Variants in MAN2A1 observed in about 807,000 individuals in gnomAD.
The protein encoded by MAN2A1 is alpha-mannosidase 2.
A neutral mutation model predicts 142.6 loss-of-function variants in MAN2A1; 76 were observed. The observed-to-expected ratio is 0.53, with a 90% CI of 0.44 to 0.65. The LOEUF is 0.65. Ranked by LOEUF, MAN2A1 falls within the 30% of genes least tolerant of loss-of-function variation. MAN2A1 has a pLI of 0.00. For synonymous variants in MAN2A1, 559 were observed against 473.2 expected (o/e 1.18, Z -2.35); for missense variants, 1,311 against 1,365.1 (o/e 0.96, Z 0.62).
chr5:109,739,512 G>A (rs897289826), intron 4 of MAN2A1, among the ~76,000 whole-genome samples: 2 of 151,926 alleles, frequency 1.3e-5, no homozygotes, highest in Non-Finnish European at 2.9e-5. Context: ...CCACTCCCTC[G>A]GTTCAGTACT....
At chr5:109,771,159 C>T (rs1385954671) in intron 7 of MAN2A1, among the ~76,000 whole-genome samples, 1 of 151,914 alleles carries the variant, frequency 6.6e-6, no homozygotes, top group African/African-American at 2.4e-5. Flanking sequence ...CTCATTAAAC[C>T]AACTTACATG....
chr5:109,690,267 G>A lies in MAN2A1; in HGVS notation c.-151G>A. 3 of 732,906 alleles carry A rather than the reference G, an allele frequency of 4.1e-6. No individual in the cohort carries two copies. The highest frequency in any genetic ancestry group is 7.0e-6 in the Non-Finnish European group (3 of 429,616). The allele number at this position is 732,906 out of a possible 1,614,324, so 45.4% of individuals were successfully genotyped here. On this transcript the variant is annotated 5_prime_UTR_variant, in exon 1 of 22. Coordinates refer to ENST00000261483, the MANE Select transcript of MAN2A1 (RefSeq NM_002372.4). The stretch of plus-strand genomic sequence containing the variant: ...TGTGGTGGCGCCGGAGACTAGGTGC[G>A]GAGCAAGGCGGGGACTCGCACCCGC...
At chr5:109,704,535 G>A (rs1006701351) in intron 1 of MAN2A1, among the ~76,000 whole-genome samples, 2 of 152,082 alleles carry the variant, frequency 1.3e-5, no homozygotes, top group Non-Finnish European at 1.5e-5. Flanking sequence ...CAGAATCGTG[G>A]CCACAGCCCC....
chr5:109,732,672 C>T (rs373411963), intron 4 of MAN2A1, among the ~76,000 whole-genome samples: 2,845 of 152,074 alleles, frequency 0.019, 34 homozygotes, highest in Middle Eastern at 0.071. Flanking sequence ...CAGATAGTTG[C>T]AGATATGTGG....
intron 16 of MAN2A1, among the ~76,000 whole-genome samples, chr5:109,834,672 G>GT (rs1049392329): frequency 6.6e-6 from 1 of 152,128 alleles, no homozygotes; most frequent in African/African-American, 2.4e-5. Context: ...GTAAGTAATA[G>GT]TAGCTGTTTA....
chr5:109,719,987 A>C (rs948451940), intron 3 of MAN2A1, among the ~76,000 whole-genome samples: 1 of 152,190 alleles, frequency 6.6e-6, no homozygotes, highest in Non-Finnish European at 1.5e-5. Context: ...TTTGAATCAT[A>C]GACCATGAAA....
At chr5:109,706,358 CT>C (rs1161273999) in intron 1 of MAN2A1, among the ~76,000 whole-genome samples, 3 of 152,188 alleles carry the variant, frequency 2.0e-5, no homozygotes, top group African/African-American at 7.2e-5. Context: ...AAAAGCCATA[CT>C]TTTACTATGT....
At chr5:109,799,739 AG>A (rs1753964531) in intron 12 of MAN2A1, among the ~76,000 whole-genome samples, 1 of 149,154 alleles carries the variant, frequency 6.7e-6, no homozygotes, top group African/African-American at 2.5e-5. Context: ...AGGCAACAAG[AG>A]CAAAACTCCG....
intron 9 of MAN2A1, among the ~76,000 whole-genome samples, chr5:109,782,798 T>A (rs550939539): frequency 5.9e-5 from 9 of 152,198 alleles, no homozygotes; most frequent in African/African-American, 1.9e-4. Flanking sequence ...TAGATACATA[T>A]TAGTTGTACA....
At chr5:109,734,638 C>T (rs1436803041) in intron 4 of MAN2A1, among the ~76,000 whole-genome samples, 1 of 152,182 alleles carries the variant, frequency 6.6e-6, no homozygotes, top group Non-Finnish European at 1.5e-5. Context: ...ACCCAGTAGT[C>T]ATTCAGGAAC....
chr5:109,767,943 A>T (rs1753037829), intron 6 of MAN2A1, among the ~76,000 whole-genome samples: 1 of 152,228 alleles, frequency 6.6e-6, no homozygotes, highest in Non-Finnish European at 1.5e-5. Flanking sequence ...GAAAGTAGAT[A>T]AATATAAGGA....
chr5:109,760,562 G>A lies in MAN2A1; in HGVS notation c.835+5106G>A, dbSNP rs547264624. 3.8e-4 allele frequency among the ~76,000 whole-genome samples: 58 copies of A among 152,194 alleles called. 1 individual carries two copies. In the South Asian group the frequency reaches 9.5e-3, roughly 25 times the overall value. ...TAGGTACTTGAGGAATCACCACACC[G>A]TCTTCCACAATGGTTGATTTATACT... On this transcript the variant is annotated intron_variant, in intron 5 of 21. Transcript: ENST00000261483.
At chr5:109,710,816 A>G (rs1001588406) in intron 1 of MAN2A1, among the ~76,000 whole-genome samples, 3 of 152,042 alleles carry the variant, frequency 2.0e-5, no homozygotes, top group African/African-American at 7.2e-5. Context: ...TCAGCCTTCC[A>G]AGTAGCTGGG....
At chr5:109,761,495 G>T (rs1309036032) in intron 5 of MAN2A1, among the ~76,000 whole-genome samples, 1 of 151,904 alleles carries the variant, frequency 6.6e-6, no homozygotes, top group Non-Finnish European at 1.5e-5. Context: ...ATGTTTCCGT[G>T]GATGTGACAG....
At chr5:109,693,646 T>G (rs2112534527) in intron 1 of MAN2A1, among the ~76,000 whole-genome samples, 1 of 152,186 alleles carries the variant, frequency 6.6e-6, no homozygotes, top group Admixed American at 6.5e-5. Context: ...TTTCCACCAT[T>G]TGGCTGGACT....
chr5:109,867,071 C>G lies in MAN2A1; in HGVS notation c.*73C>G. The G allele has an allele frequency of 7.9e-7, 1 of 1,261,282 alleles. No homozygotes were observed. Among genetic ancestry groups the G allele is most frequent in the Non-Finnish European group, 1.1e-6 (1 of 924,282 alleles). The allele number at this position is 1,261,282 out of a possible 1,614,324, so 78.1% of individuals were successfully genotyped here. ...CTTGGTTTGACGTGCAATAAAGAAG[C>G]ACATTATTTTAGCTTCTGGCTACTG... On this transcript the variant is annotated 3_prime_UTR_variant, in exon 22 of 22. Coordinates refer to ENST00000261483, the MANE Select transcript of MAN2A1 (RefSeq NM_002372.4).
chr5:109,861,956 C>T (rs1043072156), intron 20 of MAN2A1, among the ~76,000 whole-genome samples: 6 of 152,222 alleles, frequency 3.9e-5, no homozygotes, highest in East Asian at 1.9e-4. Context: ...GAGATTTTCT[C>T]GTATATTTAC....
At chr5:109,760,599 T>C (rs1191628098) in intron 5 of MAN2A1, among the ~76,000 whole-genome samples, 2 of 152,178 alleles carry the variant, frequency 1.3e-5, no homozygotes, top group Admixed American at 6.5e-5. Context: ...CCACCAACAA[T>C]GTAAAAGCAT....
intron 3 of MAN2A1, among the ~76,000 whole-genome samples, chr5:109,723,856 G>C (rs1751672091): frequency 6.6e-6 from 1 of 152,064 alleles, no homozygotes. Flanking sequence ...ACTAATCTAA[G>C]AATCTTTCTT....
Sources: gnomAD v4.1 joint callset for allele counts (sites outside exome capture counted in the v4.1 genomes callset) on GRCh38, gnomAD v4.1.1 for gene constraint, MANE v1.5 for transcripts, NCBI Gene and HGNC (gene_info 2026-07-23, HGNC 2026-07-21) for gene names.